NETO1: variants seen among roughly 807,000 people sequenced by gnomAD.
The protein encoded by NETO1 is neuropilin and tolloid like 1.
NETO1 carries 26 observed loss-of-function variants against 61.3 expected under a neutral mutation model. The ratio of observed to expected loss-of-function variants is 0.42; its 90% CI spans 0.31 to 0.59. The LOEUF (loss-of-function observed/expected upper bound fraction) is 0.59. Ranked by LOEUF, NETO1 falls within the 20% of genes least tolerant of loss-of-function variation. The probability of loss-of-function intolerance (pLI) is 0.12; values close to 1 mark genes in which losing one functional copy is unlikely to be tolerated. For synonymous variants in NETO1, 225 were observed against 225.8 expected, an observed-to-expected ratio of 1.00 and a Z score of 0.03; for missense variants, 531 against 662.8, an observed-to-expected ratio of 0.80 and a Z score of 2.18.
rs187927218 is a variant in NETO1 at position 72,782,475 on chromosome 18, C to T, written c.868+1203G>A. Among the ~76,000 whole-genome samples, 9 of 152,234 alleles carry T rather than the reference C, an allele frequency of 5.9e-5. No homozygotes were observed. The South Asian group carries it at 6.2e-4, about 11-fold the overall frequency. Reference sequence around the variant, plus strand: ...GTAAGTGTTCCCTTTTTTCCCACAACGTCACCAGCATCTGTTATTGTTTGA... The same window carrying T: ...GTAAGTGTTCCCTTTTTTCCCACAATGTCACCAGCATCTGTTATTGTTTGA... On this transcript the variant is annotated intron_variant, in intron 7 of 10. Coordinates refer to ENST00000327305, the MANE Select transcript of NETO1 (RefSeq NM_138966.5).
chr18:72,768,239 T>G (rs2071230105), intron 7 of NETO1, among the ~76,000 whole-genome samples: 1 of 152,130 alleles, frequency 6.6e-6, no homozygotes, highest in African/African-American at 2.4e-5. Context: ...CAGATTAACT[T>G]TTTTATTTTT....
intron 8 of NETO1, among the ~76,000 whole-genome samples, chr18:72,750,883 A>ACACACACACG (rs2070584530): frequency 6.8e-6 from 1 of 148,148 alleles, no homozygotes; most frequent in African/African-American, 2.6e-5. Context: ...ACACACACAC[A>ACACACACACG]CACACACACA....
At chr18:72,794,521 A>G (rs1183718511) in intron 4 of NETO1, 117 bp from the exon 5 acceptor site, 26 of 909,832 alleles carry the variant, frequency 2.9e-5, no homozygotes, top group Non-Finnish European at 1.7e-6. Context: ...ATTAGGGAAA[A>G]GTAAAAAACA....
At chr18:72,763,925 T>C (rs12965921) in intron 7 of NETO1, among the ~76,000 whole-genome samples, 45,665 of 151,852 alleles carry the variant, frequency 0.3, 7,975 homozygotes, top group South Asian at 0.41. Flanking sequence ...TGTCTTCATG[T>C]TGGAAGGCAA....
intron 4 of NETO1, among the ~76,000 whole-genome samples, chr18:72,802,153 A>G (rs1050668605): frequency 1.4e-5 from 2 of 146,868 alleles, no homozygotes; most frequent in Non-Finnish European, 3.0e-5. Context: ...AGAAAATAAG[A>G]ATTCTAAAAA....
At chr18:72,836,898 G>C (rs1234946233) in intron 4 of NETO1, among the ~76,000 whole-genome samples, 2 of 152,136 alleles carry the variant, frequency 1.3e-5, no homozygotes, top group African/African-American at 2.4e-5. Context: ...GATCAGGTGA[G>C]ATACTGGGTA....
At chr18:72,784,529 T>C (rs2071849918) in intron 6 of NETO1, among the ~76,000 whole-genome samples, 2 of 152,242 alleles carry the variant, frequency 1.3e-5, no homozygotes, top group South Asian at 4.1e-4. Context: ...TAAAATGTAC[T>C]GTGCAACTTG....
intron 4 of NETO1, among the ~76,000 whole-genome samples, chr18:72,809,438 A>G (rs76687662): frequency 6.6e-6 from 1 of 152,192 alleles, no homozygotes; most frequent in Non-Finnish European, 1.5e-5. Context: ...CCTCGCTTCT[A>G]AGAGACTGGG....
At position 72,858,601 on chromosome 18, in the gene NETO1, G is replaced by C. The variant is rs147047034; in HGVS notation, c.469+225C>G. 1.1e-4 allele frequency among the ~76,000 whole-genome samples: 16 copies of C among 152,234 alleles called. No homozygotes were observed. In the East Asian group the frequency reaches 3.1e-3, roughly 29 times the overall value. ...TGATGATGTGGCTGATGCCCATTTA[G>C]AGCCTTGAGTCACTACTCTTTACCT... is the stretch of plus-strand genomic sequence containing the variant. On this transcript the variant is annotated intron_variant, in intron 4 of 10. Coordinates refer to ENST00000327305, the MANE Select transcript of NETO1 (RefSeq NM_138966.5).
At chr18:72,768,708 T>G (rs1473759014) in intron 7 of NETO1, among the ~76,000 whole-genome samples, 1 of 152,256 alleles carries the variant, frequency 6.6e-6, no homozygotes, top group Non-Finnish European at 1.5e-5. Context: ...AAGATGCTAC[T>G]CTGGTGGCTC....
At chr18:72,765,083 T>A (rs1254225849) in intron 7 of NETO1, among the ~76,000 whole-genome samples, 1 of 152,158 alleles carries the variant, frequency 6.6e-6, no homozygotes, top group African/African-American at 2.4e-5. Context: ...CAAAACACTT[T>A]CCAATAATGT....
intron 4 of NETO1, among the ~76,000 whole-genome samples, chr18:72,829,295 C>A (rs11659362): frequency 0.3 from 45,083 of 151,702 alleles, 7,128 homozygotes; most frequent in Middle Eastern, 0.38. Context: ...ACTAAAAATG[C>A]AAACTTTCCT....
intron 4 of NETO1, among the ~76,000 whole-genome samples, chr18:72,797,854 T>G (rs1421397888): frequency 1.3e-5 from 2 of 152,148 alleles, no homozygotes; most frequent in African/African-American, 4.8e-5. Context: ...AACTTGTCCT[T>G]TTGTCTCTCT....
Position 72,747,093 on chromosome 18 carries a change from T to G in NETO1, c.*1086A>C, listed in dbSNP as rs2070447651. On this transcript the variant is annotated 3_prime_UTR_variant, in exon 11 of 11. Coordinates refer to ENST00000327305, the MANE Select transcript of NETO1 (RefSeq NM_138966.5). ...CTAAACTTTTAGAAGCCAAATATTTTGGGAAGTAAACCTCAATACTGAAGG... is the reference window on the plus strand; with the variant it reads ...CTAAACTTTTAGAAGCCAAATATTTGGGGAAGTAAACCTCAATACTGAAGG... 6.6e-6 allele frequency: 1 copy of G among 151,972 alleles called. No individual in the cohort carries two copies. Among genetic ancestry groups the G allele is most frequent in the Admixed American group, 6.6e-5 (1 of 15,236 alleles). 9.4% of individuals were successfully genotyped at this position (151,972 alleles called of 1,614,324 possible).
intron 4 of NETO1, among the ~76,000 whole-genome samples, chr18:72,814,360 G>A (rs2072961881): frequency 6.6e-6 from 1 of 151,958 alleles, no homozygotes; most frequent in South Asian, 2.1e-4. Flanking sequence ...GTAGTTTCTT[G>A]AGTAACCACT....
At chr18:72,865,103 T>C in intron 2 of NETO1, 85 bp downstream of exon 2, 2 of 1,440,898 alleles carry the variant, frequency 1.4e-6, no homozygotes, top group Non-Finnish European at 9.6e-7. Flanking sequence ...GGTTCAGATA[T>C]TCTGGAATAT....
rs1377556330 is a variant in NETO1, at chr18:72,745,255, A to G, written c.*2924T>C. On this transcript the variant is annotated 3_prime_UTR_variant, in exon 11 of 11. Transcript: ENST00000327305. ...ATGCTTAAAATTGGTATGTATATAA[A>G]AACATACAAAATAAATCAGATTTCC... 1 of 152,226 alleles carries G rather than the reference A, an allele frequency of 6.6e-6. No individual in the cohort carries two copies. The highest frequency in any genetic ancestry group is 1.5e-5 in the Non-Finnish European group (1 of 68,036). The allele number at this position is 152,226 out of a possible 1,614,324, so 9.4% of individuals were successfully genotyped here.
intron 4 of NETO1, among the ~76,000 whole-genome samples, chr18:72,819,588 A>T (rs1466901465): frequency 6.6e-6 from 1 of 152,206 alleles, no homozygotes; most frequent in African/African-American, 2.4e-5. Flanking sequence ...TCTGGATTTA[A>T]AAAACTTTGA....
At chr18:72,766,670 A>G (rs2145156754) in intron 7 of NETO1, among the ~76,000 whole-genome samples, 2 of 152,292 alleles carry the variant, frequency 1.3e-5, no homozygotes, top group East Asian at 3.9e-4. Context: ...TTGATCTCAC[A>G]CATATTTATG....
Sources: allele counts gnomAD v4.1 joint callset (sites outside exome capture counted in the v4.1 genomes callset), GRCh38; gene constraint gnomAD v4.1.1; transcripts MANE v1.5; gene names NCBI Gene and HGNC (gene_info 2026-07-23, HGNC 2026-07-21).